MAGOHB: variants seen among roughly 807,000 people sequenced by gnomAD.
The protein encoded by MAGOHB is mago homolog B, exon junction complex subunit.
Under a neutral mutation model 20.9 loss-of-function variants are expected in MAGOHB, and 15 were observed. The ratio of observed to expected loss-of-function variants is 0.72; its 90% confidence interval spans 0.48 to 1.11. The LOEUF is 1.11. MAGOHB is among the 50% of genes least tolerant of loss of function. The pLI is 0.00. For missense variants in MAGOHB, 162 were observed against 177.6 expected, an observed-to-expected ratio of 0.91 and a Z score of 0.50; for synonymous variants, 50 against 57.9, an observed-to-expected ratio of 0.86 and a Z score of 0.62.
At chr12:10,612,585 G>T in intron 1 of MAGOHB, 1 of 827,690 alleles carries the variant, frequency 1.2e-6, no homozygotes, top group Non-Finnish European at 1.5e-6. Context: ...AAATGTCTGT[G>T]CCTCCCACCA....
At chr12:10,610,400 G>C (rs149674143) in intron 2 of MAGOHB, among the ~76,000 whole-genome samples, 4 of 151,916 alleles carry the variant, frequency 2.6e-5, no homozygotes, top group South Asian at 4.1e-4. Flanking sequence ...ATCAATAAAT[G>C]CAAGTGTAGT....
At chr12:10,600,827 T>C (rs952902562), downstream of MAGOHB, among the ~76,000 whole-genome samples, 1 of 152,160 alleles carries the variant, frequency 6.6e-6, no homozygotes, top group Non-Finnish European at 1.5e-5. Context: ...AATCAGGTGA[T>C]AGTGGTTAAT....
At chr12:10,602,885 C>T (rs1565548116), downstream of MAGOHB, among the ~76,000 whole-genome samples, 1 of 152,042 alleles carries the variant, frequency 6.6e-6, no homozygotes, top group East Asian at 1.9e-4. Context: ...CTCTTCCTGC[C>T]CCAGACTAAA....
At position 10,604,335 on chromosome 12, in the gene MAGOHB, TA is replaced by T. The variant is rs1180605386; in HGVS notation, c.*1939del. 1 of 152,130 alleles carries T rather than the reference TA, an allele frequency of 6.6e-6. No homozygotes were observed. The highest frequency in any genetic ancestry group is 1.9e-4 in the East Asian group (1 of 5,192). 9.4% of individuals were successfully genotyped at this position (152,130 alleles called of 1,614,324 possible). A position where few individuals can be genotyped will look rare whatever the true frequency, so the allele number is the denominator to read the frequency against. On this transcript the variant is annotated 3_prime_UTR_variant, in exon 5 of 5. Transcript: ENST00000320756. ...TGTCCATCAGCAACTTACAATCAAA[TA>T]AAAGACAGATCAAAGTATAAGAAAA...
chr12:10,607,534 T>G (rs1865650556), intron 4 of MAGOHB, among the ~76,000 whole-genome samples: 1 of 152,214 alleles, frequency 6.6e-6, no homozygotes, highest in South Asian at 2.1e-4. Context: ...CTAATGAGGC[T>G]GACATAATCC....
At chr12:10,613,322 A>C in intron 1 of MAGOHB, 117 bp downstream of exon 1, 2 of 859,550 alleles carry the variant, frequency 2.3e-6, no homozygotes, top group Non-Finnish European at 3.9e-6. Context: ...CTCTATTCTT[A>C]AGCTCCTATT....
At chr12:10,606,650 A>T (rs1409987500) in intron 4 of MAGOHB, among the ~76,000 whole-genome samples, 1 of 152,122 alleles carries the variant, frequency 6.6e-6, no homozygotes, top group Non-Finnish European at 1.5e-5. Flanking sequence ...AGCAGAAAAA[A>T]ATAATACTGT....
At chr12:10,603,365 A>C (rs908031478), downstream of MAGOHB, among the ~76,000 whole-genome samples, 3 of 151,890 alleles carry the variant, frequency 2.0e-5, no homozygotes, top group African/African-American at 7.3e-5. Context: ...CTGTTTCCCT[A>C]ATCACCCTGT....
intron 1 of MAGOHB, 107 bp from the exon 2 acceptor site, chr12:10,610,787 T>G: frequency 1.0e-6 from 1 of 1,000,276 alleles, no homozygotes; most frequent in Non-Finnish European, 1.4e-6. Context: ...CTATTTTTAT[T>G]AATATTTCCT....
chr12:10,612,610 T>C (rs1370677157), intron 1 of MAGOHB: 8 of 1,032,756 alleles, frequency 7.7e-6, no homozygotes, highest in Non-Finnish European at 8.4e-6. Flanking sequence ...AAATCTGCTT[T>C]AGTTAAATTT....
downstream of MAGOHB, among the ~76,000 whole-genome samples, chr12:10,602,340 G>C (rs934078921): frequency 2.6e-5 from 4 of 152,198 alleles, no homozygotes; most frequent in African/African-American, 9.6e-5. Flanking sequence ...TTTCTTCATA[G>C]TTTTGAAAAG....
chr12:10,610,867 G>A (rs2120532841), intron 1 of MAGOHB, among the ~76,000 whole-genome samples, 187 bp from the exon 2 acceptor site: 1 of 152,278 alleles, frequency 6.6e-6, no homozygotes, highest in South Asian at 2.1e-4. Flanking sequence ...TGCTGAAGTT[G>A]AAGCTAGCCA....
chr12:10,612,004 A>G (rs1393157845), intron 1 of MAGOHB, among the ~76,000 whole-genome samples: 1 of 152,044 alleles, frequency 6.6e-6, no homozygotes, highest in East Asian at 1.9e-4. Context: ...ATTCAGGTAA[A>G]TTTAGCTGAA....
intron 1 of MAGOHB, chr12:10,613,070 A>G (rs1452623939): frequency 1.5e-6 from 1 of 661,780 alleles, no homozygotes; most frequent in African/African-American, 1.9e-5. Context: ...GAAAACACAC[A>G]GCCTAAATGA....
chr12:10,612,435 T>G (rs574805634), intron 1 of MAGOHB, among the ~76,000 whole-genome samples: 1 of 152,188 alleles, frequency 6.6e-6, no homozygotes, highest in East Asian at 1.9e-4. Context: ...GGACTGTAGT[T>G]AACGTGAGTT....
At position 10,606,293 on chromosome 12, in the gene MAGOHB, G is replaced by T; in HGVS notation, c.429C>A (p.Phe143Leu). The stretch of plus-strand genomic sequence containing the variant: ...ATACAATTTAAATTGGTTTAATCTT[G>T]AAGTGTAATCCAATAAGACTGAAAA... ...CLVFSLIGLHFKIKPI is the reference protein window; with the variant it reads ...CLVFSLIGLHLKIKPI The change falls in exon 5 of 5, where the codon TTC (phenylalanine) becomes TTA (leucine). Residue 143 changes from phenylalanine to leucine, a missense_variant. Physicochemically the swap from Phe to Leu is conservative, Grantham distance 22. Transcript: ENST00000320756. 6.5e-7 allele frequency: 1 copy of T among 1,528,434 alleles called. No individual in the cohort carries two copies. The highest frequency in any genetic ancestry group is 8.9e-7 in the Non-Finnish European group (1 of 1,120,886). The allele number at this position is 1,528,434 out of a possible 1,614,324, so 94.7% of individuals were successfully genotyped here.
At chr12:10,613,383 G>C (rs1184594782) in intron 1 of MAGOHB, 56 bp downstream of exon 1, 7 of 1,484,612 alleles carry the variant, frequency 4.7e-6, no homozygotes, top group Non-Finnish European at 5.6e-6. Flanking sequence ...CACACCACCC[G>C]GCCTCTCGGT....
chr12:10,599,567 A>G (rs1289915753), downstream of MAGOHB: 1 of 152,252 alleles, frequency 6.6e-6, no homozygotes, highest in African/African-American at 2.4e-5. Flanking sequence ...AACTGATTTC[A>G]AAATGAGGGA....
At chr12:10,604,020 C>A (rs1865581849), downstream of MAGOHB, among the ~76,000 whole-genome samples, 1 of 152,116 alleles carries the variant, frequency 6.6e-6, no homozygotes. Flanking sequence ...CAATGAAATA[C>A]CAAAGATAAA....
Sources: allele counts gnomAD v4.1 joint callset (sites outside exome capture counted in the v4.1 genomes callset), GRCh38; gene constraint gnomAD v4.1.1; transcripts MANE v1.5; gene names NCBI Gene and HGNC (gene_info 2026-07-23, HGNC 2026-07-21).